STXBP5L: variants seen among roughly 807,000 people sequenced by gnomAD.
The protein encoded by STXBP5L is syntaxin-binding protein 5-like.
Under a neutral mutation model 144.5 loss-of-function variants are expected in STXBP5L, and 65 were observed. The ratio of observed to expected loss-of-function variants is 0.45; its 90% confidence interval spans 0.37 to 0.55. The LOEUF (loss-of-function observed/expected upper bound fraction) is 0.55. Ranked by LOEUF, STXBP5L falls within the 20% of genes least tolerant of loss-of-function variation. STXBP5L has a pLI of 0.00. For synonymous variants in STXBP5L, 505 were observed against 469.6 expected (o/e 1.08, Z -0.97); for missense variants, 1,298 against 1,405.5 (o/e 0.92, Z 1.22).
At chr3:121,065,694 G>A (rs1199427600) in intron 5 of STXBP5L, among the ~76,000 whole-genome samples, 1 of 152,120 alleles carries the variant, frequency 6.6e-6, no homozygotes, top group Non-Finnish European at 1.5e-5. Flanking sequence ...TGGAACTACA[G>A]GCATGTGCCA....
At chr3:121,343,289 A>C (rs971915522) in intron 20 of STXBP5L, among the ~76,000 whole-genome samples, 1 of 151,950 alleles carries the variant, frequency 6.6e-6, no homozygotes, top group Non-Finnish European at 1.5e-5. Context: ...CCCATTTTGT[A>C]GGTTGGCTGT....
intron 2 of STXBP5L, among the ~76,000 whole-genome samples, chr3:120,910,681 CAAAAG>C (rs1047242568): frequency 7.9e-5 from 12 of 151,898 alleles, no homozygotes; most frequent in Non-Finnish European, 1.6e-4. Context: ...AATACTTTCA[CAAAAG>C]AAAAGTTTTT....
intron 5 of STXBP5L, among the ~76,000 whole-genome samples, chr3:121,110,777 T>C (rs2043946412): frequency 6.6e-6 from 1 of 152,182 alleles, no homozygotes; most frequent in Non-Finnish European, 1.5e-5. Flanking sequence ...TGGGCCTCTC[T>C]TGCTAGGTTA....
intron 3 of STXBP5L, among the ~76,000 whole-genome samples, chr3:120,982,564 C>T (rs1941888856): frequency 6.6e-6 from 1 of 152,216 alleles, no homozygotes; most frequent in East Asian, 1.9e-4. Context: ...CACAGTGTAA[C>T]TGAGGGCTGC....
intron 3 of STXBP5L, among the ~76,000 whole-genome samples, chr3:120,969,070 C>T (rs551996730): frequency 3.9e-5 from 6 of 152,022 alleles, no homozygotes; most frequent in Non-Finnish European, 8.8e-5. Flanking sequence ...AGTGGGATTG[C>T]TAGATCAAAT....
rs1232755891 is a variant in STXBP5L, at chr3:121,079,970, T to C, written c.470+34435T>C. Among the ~76,000 whole-genome samples the C allele has an allele frequency of 1.7e-4, 26 of 152,196 alleles. 1 individual carries two copies. On this transcript the variant is annotated intron_variant, in intron 5 of 26. Transcript: ENST00000471454. ...GTTGCTGTCTATTTTATTTCTTAGG[T>C]CTAGTACTAATTGTTTAATATATTT...
intron 5 of STXBP5L, among the ~76,000 whole-genome samples, chr3:121,047,869 G>C (rs902595625): frequency 6.6e-6 from 1 of 152,146 alleles, no homozygotes; most frequent in Non-Finnish European, 1.5e-5. Context: ...ATTTATGTGT[G>C]TGGATTTGAT....
intron 18 of STXBP5L, among the ~76,000 whole-genome samples, chr3:121,260,872 G>T (rs2050361049): frequency 6.6e-6 from 1 of 152,132 alleles, no homozygotes; most frequent in African/African-American, 2.4e-5. Flanking sequence ...TGAACATAGA[G>T]TATTGGGTGC....
chr3:121,350,590 G>A (rs948232561), intron 20 of STXBP5L, among the ~76,000 whole-genome samples: 3 of 152,048 alleles, frequency 2.0e-5, no homozygotes, highest in Admixed American at 6.5e-5. Context: ...TCACTTTCAG[G>A]TACACCAATC....
chr3:121,187,335 G>C (rs1305225517), intron 9 of STXBP5L, among the ~76,000 whole-genome samples: 4 of 150,712 alleles, frequency 2.7e-5, no homozygotes, highest in South Asian at 2.1e-4. Flanking sequence ...CTCACTCTTA[G>C]GTGGGAATTG....
intron 2 of STXBP5L, among the ~76,000 whole-genome samples, chr3:120,944,017 G>A (rs1710711111): frequency 6.6e-6 from 1 of 151,428 alleles, no homozygotes; most frequent in Non-Finnish European, 1.5e-5. Flanking sequence ...CTAAGGAAAT[G>A]AAGAAAATTT....
chr3:121,113,961 C>T (rs4109044), intron 5 of STXBP5L, among the ~76,000 whole-genome samples: 15,130 of 151,998 alleles, frequency 0.1, 1,182 homozygotes, highest in Admixed American at 0.2. Flanking sequence ...CATGAGCCAC[C>T]GCGCCTGGCC....
intron 19 of STXBP5L, among the ~76,000 whole-genome samples, chr3:121,302,364 G>A (rs2051951010): frequency 1.3e-5 from 2 of 152,138 alleles, no homozygotes; most frequent in South Asian, 4.1e-4. Context: ...ATGGTAGTTT[G>A]TATTTCTGTG....
chr3:121,293,004 C>G (rs2051502151), intron 19 of STXBP5L, among the ~76,000 whole-genome samples: 1 of 152,046 alleles, frequency 6.6e-6, no homozygotes, highest in South Asian at 2.1e-4. Context: ...ATAAACACCA[C>G]TTGTTACCTA....
intron 3 of STXBP5L, among the ~76,000 whole-genome samples, chr3:120,982,283 C>A (rs1941855910): frequency 6.6e-6 from 1 of 152,130 alleles, no homozygotes. Flanking sequence ...GAATTCCCTG[C>A]TGAGCTTCCA....
rs556793245 is a variant in STXBP5L, at chr3:121,387,102, G to A, written c.2587+5570G>A. On this transcript the variant is annotated intron_variant, in intron 22 of 26. Coordinates refer to ENST00000471454, the MANE Select transcript of STXBP5L (RefSeq NM_001308330.2). ...ACTTTTTAATGATTGCCATTCTAACGGGTGTGAGATGGTATCTCATTGTGG... is the reference window on the plus strand; with the variant it reads ...ACTTTTTAATGATTGCCATTCTAACAGGTGTGAGATGGTATCTCATTGTGG... Among the ~76,000 whole-genome samples the A allele has an allele frequency of 1.5e-3, 235 of 152,142 alleles. 3 individuals are homozygous for A. The highest frequency in any genetic ancestry group is 5.3e-3 in the African/African-American group (218 of 41,508).
chr3:121,012,727 G>T (rs542975962), intron 3 of STXBP5L, among the ~76,000 whole-genome samples: 2 of 151,738 alleles, frequency 1.3e-5, no homozygotes, highest in Non-Finnish European at 2.9e-5. Context: ...GCATGTGCAG[G>T]TTTGTTACAT....
chr3:121,153,639 G>A (rs947764665), intron 8 of STXBP5L, among the ~76,000 whole-genome samples: 2 of 151,694 alleles, frequency 1.3e-5, no homozygotes, highest in Non-Finnish European at 2.9e-5. Context: ...AATTTTTTAA[G>A]TTTCGGTGCT....
chr3:121,214,185 G>T (rs1340398520), intron 10 of STXBP5L, among the ~76,000 whole-genome samples: 1 of 151,922 alleles, frequency 6.6e-6, no homozygotes, highest in Non-Finnish European at 1.5e-5. Flanking sequence ...TTTTTTGAAG[G>T]GTTTTTCATG....
Sources: gnomAD v4.1 joint callset for allele counts (sites outside exome capture counted in the v4.1 genomes callset) on GRCh38, gnomAD v4.1.1 for gene constraint, MANE v1.5 for transcripts, NCBI Gene and HGNC (gene_info 2026-07-23, HGNC 2026-07-21) for gene names.